Variants in NRXN3 observed in about 807,000 individuals in gnomAD.
The protein encoded by NRXN3 is neurexin 3.
NRXN3 carries 32 observed loss-of-function variants against 137.6 expected under a neutral mutation model. The ratio of observed to expected loss-of-function variants is 0.23; its 90% CI spans 0.18 to 0.31. The LOEUF is 0.31. NRXN3 is among the 10% of genes least tolerant of loss of function. NRXN3 has a pLI of 1.00. For missense variants in NRXN3, 1,574 were observed against 2,062.5 expected (o/e 0.76, Z 4.59); for synonymous variants, 798 against 784.5 (o/e 1.02, Z -0.29).
intron 4 of NRXN3, among the ~76,000 whole-genome samples, chr14:78,587,812 T>C (rs2097080485): frequency 6.6e-6 from 1 of 152,212 alleles, no homozygotes; most frequent in Admixed American, 6.5e-5. Context: ...GTTGGGCCTT[T>C]GTCATATTTC....
At chr14:79,377,145 C>T (rs1449920606) in intron 15 of NRXN3, among the ~76,000 whole-genome samples, 1 of 152,110 alleles carries the variant, frequency 6.6e-6, no homozygotes, top group African/African-American at 2.4e-5. Context: ...ATGATGTTTA[C>T]TTAAGAAGAG....
intron 16 of NRXN3, among the ~76,000 whole-genome samples, chr14:79,617,923 A>AAAAAAAAAAAAC (rs2098177873): frequency 6.7e-6 from 1 of 149,758 alleles, no homozygotes; most frequent in Non-Finnish European, 1.5e-5. Context: ...GCAGCAAAAA[A>AAAAAAAAAAAAC]AAAAAAAAAC....
chr14:78,882,490 G>A (rs1199655363), intron 10 of NRXN3, among the ~76,000 whole-genome samples: 2 of 151,844 alleles, frequency 1.3e-5, no homozygotes, highest in African/African-American at 2.4e-5. Context: ...CCCTGGATGT[G>A]AGACATGTAG....
chr14:79,830,207 T>G (rs2099318667), intron 20 of NRXN3, among the ~76,000 whole-genome samples: 1 of 152,216 alleles, frequency 6.6e-6, no homozygotes, highest in South Asian at 2.1e-4. Flanking sequence ...GTACCTTAGT[T>G]GTAACTTTGA....
chr14:78,889,732 A>C (rs1359208559), intron 10 of NRXN3, among the ~76,000 whole-genome samples: 1 of 151,980 alleles, frequency 6.6e-6, no homozygotes, highest in East Asian at 1.9e-4. Context: ...AGGGAGGTAA[A>C]ACACACATAC....
rs2099508557 is a variant in NRXN3 at position 78,987,123 on chromosome 14, C to A, written c.3143-899C>A. Reference sequence around the variant, plus strand: ...AAACTTCAGACTGCATTTGAATGTCCTGGAAGCTTGTAAAAACAGATGTGT... The same window carrying A: ...AAACTTCAGACTGCATTTGAATGTCATGGAAGCTTGTAAAAACAGATGTGT... On this transcript the variant is annotated intron_variant, in intron 14 of 20. Coordinates refer to ENST00000335750, the MANE Select transcript of NRXN3 (RefSeq NM_001330195.2). Among the ~76,000 whole-genome samples, 3 of 151,656 alleles carry A rather than the reference C, an allele frequency of 2.0e-5. 1 individual carries two copies. The highest frequency in any genetic ancestry group is 2.0e-4 in the Admixed American group (3 of 15,200).
At chr14:78,226,420 T>C (rs188531294) in intron 1 of NRXN3, among the ~76,000 whole-genome samples, 3 of 152,324 alleles carry the variant, frequency 2.0e-5, no homozygotes, top group East Asian at 3.9e-4. Flanking sequence ...TTTCTGCGTA[T>C]ATTAAAAGAT....
intron 15 of NRXN3, among the ~76,000 whole-genome samples, chr14:79,073,705 T>G (rs2099691380): frequency 6.6e-6 from 1 of 152,188 alleles, no homozygotes; most frequent in South Asian, 2.1e-4. Context: ...TTGAAGGGCT[T>G]TATTTCTATC....
chr14:79,107,376 G>T (rs538993770), intron 15 of NRXN3, among the ~76,000 whole-genome samples: 1 of 152,220 alleles, frequency 6.6e-6, no homozygotes, highest in East Asian at 1.9e-4. Context: ...CTTGGCAGAG[G>T]GTGAAAGTGG....
chr14:79,440,663 TTTG>T (rs2095922115), intron 15 of NRXN3, among the ~76,000 whole-genome samples: 3 of 152,202 alleles, frequency 2.0e-5, no homozygotes, highest in Non-Finnish European at 4.4e-5. Flanking sequence ...TAAATAAATA[TTTG>T]TTGTTGTCAT....
At chr14:78,294,821 T>C (rs1414782905) in intron 3 of NRXN3, among the ~76,000 whole-genome samples, 2 of 152,160 alleles carry the variant, frequency 1.3e-5, no homozygotes, top group Non-Finnish European at 2.9e-5. Context: ...CAAATGTGTG[T>C]GTGTGTAAAT....
chr14:79,589,638 C>G (rs961837442), intron 16 of NRXN3, among the ~76,000 whole-genome samples: 3 of 146,216 alleles, frequency 2.1e-5, no homozygotes, highest in Admixed American at 6.8e-5. Context: ...TATATTTTAT[C>G]AAAAATTGCT....
intron 16 of NRXN3, among the ~76,000 whole-genome samples, chr14:79,656,621 T>G (rs2098507485): frequency 1.3e-5 from 2 of 151,382 alleles, no homozygotes; most frequent in Non-Finnish European, 3.0e-5. Context: ...TCTCTCTTTT[T>G]TTTTTTTTTT....
At chr14:79,652,241 G>T (rs1419099313) in intron 16 of NRXN3, among the ~76,000 whole-genome samples, 1 of 152,120 alleles carries the variant, frequency 6.6e-6, no homozygotes, top group East Asian at 1.9e-4. Flanking sequence ...CTAGCATTAT[G>T]TTCCTCAGCC....
chr14:79,455,570 A>T (rs2096247399), intron 15 of NRXN3, among the ~76,000 whole-genome samples: 1 of 152,124 alleles, frequency 6.6e-6, no homozygotes, highest in African/African-American at 2.4e-5. Flanking sequence ...TCATTAGCCT[A>T]TTGAGTTTTT....
intron 19 of NRXN3, among the ~76,000 whole-genome samples, chr14:79,742,651 C>G (rs1465700209): frequency 6.6e-6 from 1 of 152,150 alleles, no homozygotes; most frequent in Non-Finnish European, 1.5e-5. Flanking sequence ...GAAAAAAGGA[C>G]TATTGCCTGG....
chr14:78,758,536 T>C (rs2098679084), intron 8 of NRXN3, among the ~76,000 whole-genome samples: 1 of 152,180 alleles, frequency 6.6e-6, no homozygotes, highest in African/African-American at 2.4e-5. Context: ...GTCCAAGCAT[T>C]GCAGCCTCTT....
At chr14:79,806,699 ATT>A (rs1424360932) in intron 20 of NRXN3, among the ~76,000 whole-genome samples, 1 of 149,912 alleles carries the variant, frequency 6.7e-6, no homozygotes, top group Non-Finnish European at 1.5e-5. Context: ...ATATCTCTAG[ATT>A]TGAGTCCTTC....
chr14:78,343,256 T>A (rs2082337971), intron 4 of NRXN3, among the ~76,000 whole-genome samples: 1 of 152,208 alleles, frequency 6.6e-6, no homozygotes, highest in Admixed American at 6.5e-5. Flanking sequence ...TTTTGAGCCT[T>A]TGTTTCCTCT....
Sources: allele counts gnomAD v4.1 joint callset (sites outside exome capture counted in the v4.1 genomes callset), GRCh38; gene constraint gnomAD v4.1.1; transcripts MANE v1.5; gene names NCBI Gene and HGNC (gene_info 2026-07-23, HGNC 2026-07-21).